LRRC57: variants seen among roughly 807,000 people sequenced by gnomAD.
LRRC57 encodes the protein leucine-rich repeat-containing protein 57.
In LRRC57, 14 loss-of-function variants were observed where a neutral mutation model predicts 23.1. The observed-to-expected ratio is 0.61, with a 90% confidence interval of 0.40 to 0.95. The LOEUF is 0.95. Among genes scored for constraint, LRRC57 ranks in the 40% least tolerant of loss-of-function variants. The pLI is 0.00. For missense variants in LRRC57, 236 were observed against 284.4 expected (o/e 0.83, Z 1.22); for synonymous variants, 106 against 115.2 (o/e 0.92, Z 0.51).
chr15:42,547,317 T>G lies in LRRC57; in HGVS notation c.436A>C (p.Ile146Leu). Residue 146 changes from isoleucine to leucine, a missense_variant, in exon 4 of 6, where the codon ATA (isoleucine) becomes CTA (leucine). Coordinates refer to ENST00000397130, the MANE Select transcript of LRRC57 (RefSeq NM_153260.3). ...MDLSKNQIRSIPDSVGELQVI... is the reference protein window; with the variant it reads ...MDLSKNQIRSLPDSVGELQVI... Reference sequence around the variant, plus strand: ...TGCAGCTCTCCCACTGAGTCAGGTATACTTCGAATCTGGTTCTTAGAGAGA... The same window carrying G: ...TGCAGCTCTCCCACTGAGTCAGGTAGACTTCGAATCTGGTTCTTAGAGAGA... 1 of 1,614,214 alleles carries G rather than the reference T, an allele frequency of 6.2e-7. No individual in the cohort carries two copies. Among genetic ancestry groups the G allele is most frequent in the Non-Finnish European group, 8.5e-7 (1 of 1,180,028 alleles).
At chr15:42,547,130 G>T in intron 4 of LRRC57, 131 bp downstream of exon 4, 1 of 1,006,446 alleles carries the variant, frequency 9.9e-7, no homozygotes, top group Non-Finnish European at 1.4e-6. Context: ...TCAGCCTATA[G>T]AAGAAACCTC....
intron 5 of LRRC57, among the ~76,000 whole-genome samples, chr15:42,544,840 C>CTATATATATATATATATATAT (rs1167773259): frequency 3.8e-4 from 41 of 108,968 alleles, no homozygotes; most frequent in African/African-American, 1.9e-3. Context: ...CACACACACA[C>CTATATATATATATATATATAT]ACTATATATA....
rs886916628 is a variant in LRRC57 at position 42,548,712 on chromosome 15, G to A, written c.-42C>T. 4 of 636,042 alleles carry A rather than the reference G, an allele frequency of 6.3e-6. No homozygotes were observed. The highest frequency in any genetic ancestry group is 1.8e-5 in the African/African-American group (1 of 54,462). The allele number at this position is 636,042 out of a possible 1,614,324, so 39.4% of individuals were successfully genotyped here. A position where few individuals can be genotyped will look rare whatever the true frequency, so the allele number is the denominator to read the frequency against. On this transcript the variant is annotated 5_prime_UTR_variant, in exon 1 of 6. In the 5' UTR this introduces an upstream ATG that the reference lacks. Transcript: ENST00000397130. ...ACTCGCCTCCCACCGCTCAGCTGCC[G>A]TAAGGCTCCGCAGGTGAAGACCCAG...
Position 42,541,581 on chromosome 15 carries a change from GGTT to G in LRRC57, c.*2499_*2501del, listed in dbSNP as rs2057629418. ...ATTTTGTCGTGGAGGTTAAATAGTAGGTTTGTGTGATCTCTTGACTTAATGGAT... is the reference window on the plus strand; with the variant it reads ...ATTTTGTCGTGGAGGTTAAATAGTAGTGTGTGATCTCTTGACTTAATGGAT... On this transcript the variant is annotated 3_prime_UTR_variant, in exon 6 of 6. Coordinates refer to ENST00000397130, the MANE Select transcript of LRRC57 (RefSeq NM_153260.3). 1 of 152,102 alleles carries G rather than the reference GGTT, an allele frequency of 6.6e-6. No homozygotes were observed. The highest frequency in any genetic ancestry group is 2.4e-5 in the African/African-American group (1 of 41,396). 9.4% of individuals were successfully genotyped at this position (152,102 alleles called of 1,614,324 possible).
the LRRC57 span, chr15:42,532,402 G>A: frequency 6.6e-6 from 1 of 152,138 alleles, no homozygotes; most frequent in Non-Finnish European, 1.5e-5. Flanking sequence ...CTTAAAGTGA[G>A]CTTAATTTCT....
chr15:42,531,659 C>T, the LRRC57 span: 10 of 453,660 alleles, frequency 2.2e-5, no homozygotes, highest in Non-Finnish European at 3.9e-5. Flanking sequence ...CCGACTGCTG[C>T]TCTGCCTTCC....
At chr15:42,529,596 CT>C in the LRRC57 span, 21 of 1,462,432 alleles carry the variant, frequency 1.4e-5, no homozygotes, top group Non-Finnish European at 1.8e-5. Flanking sequence ...ATTTTGGTTA[CT>C]TACTTTTGTG....
At position 42,541,187 on chromosome 15, in the gene LRRC57, C is replaced by G. The variant is rs1312872326; in HGVS notation, c.*2896G>C. 1.3e-5 allele frequency: 2 copies of G among 152,006 alleles called. No homozygotes were observed. The highest frequency in any genetic ancestry group is 2.9e-5 in the Non-Finnish European group (2 of 67,980). 9.4% of individuals were successfully genotyped at this position (152,006 alleles called of 1,614,324 possible). The stretch of plus-strand genomic sequence containing the variant: ...AACTGGTATGGATAAACTAGTACCC[C>G]TTTCAAAGTGAGAAATAGAAAATGA... On this transcript the variant is annotated 3_prime_UTR_variant, in exon 6 of 6. Transcript: ENST00000397130.
chr15:42,545,671 C>A (rs938743800), intron 4 of LRRC57, among the ~76,000 whole-genome samples: 1 of 152,156 alleles, frequency 6.6e-6, no homozygotes, highest in Non-Finnish European at 1.5e-5. Flanking sequence ...GACCACTTTA[C>A]TACCAAATTC....
chr15:42,528,952 T>A, the LRRC57 span, among the ~76,000 whole-genome samples: 1 of 152,210 alleles, frequency 6.6e-6, no homozygotes, highest in Admixed American at 6.5e-5. Flanking sequence ...TACTTTTCAG[T>A]ACTTTCCAAA....
In LRRC57 at chr15:42,547,389, C is replaced by T; in HGVS notation, c.364G>A (p.Ala122Thr). Reference protein sequence around the residue: ...TLSLSGNQLGALPPQLCSLRH... With the variant: ...TLSLSGNQLGTLPPQLCSLRH... ...AGGCTACAAAGTTGGGGAGGTAATG[C>T]TCCCAGTTGGTTCCCAGAGAGGCTC... The change falls in exon 4 of 6, where the codon GCA becomes ACA. Residue 122 changes from alanine (A) to threonine (T), a missense_variant. By Grantham distance (58) the Ala-to-Thr change is moderately conservative (BLOSUM62 0). Transcript: ENST00000397130. 6.2e-7 allele frequency: 1 copy of T among 1,614,160 alleles called. No individual in the cohort carries two copies. The highest frequency in any genetic ancestry group is 8.5e-7 in the Non-Finnish European group (1 of 1,180,020).
At chr15:42,535,939 G>C (rs990940890), downstream of LRRC57, among the ~76,000 whole-genome samples, 2 of 152,106 alleles carry the variant, frequency 1.3e-5, no homozygotes, top group Non-Finnish European at 2.9e-5. Flanking sequence ...TTAGCCAGGT[G>C]TGGTGGTGCA....
intron 4 of LRRC57, among the ~76,000 whole-genome samples, chr15:42,546,663 T>A (rs1050390117): frequency 1.3e-5 from 2 of 152,198 alleles, no homozygotes; most frequent in Non-Finnish European, 2.9e-5. Context: ...ACAAGAATCT[T>A]TGGATTGGTT....
the LRRC57 span, chr15:42,531,546 C>A: frequency 7.7e-7 from 1 of 1,294,294 alleles, no homozygotes; most frequent in South Asian, 1.3e-5. Context: ...ATTACCTTTT[C>A]AGAGTTTAAG....
rs946721051 is a variant in LRRC57, at chr15:42,541,546, C to T, written c.*2537G>A. On this transcript the variant is annotated 3_prime_UTR_variant, in exon 6 of 6. Transcript: ENST00000397130. ...AAAGAGAACACCTAGACCAGATTTA[C>T]GTCAGAAAGATTTTGTCGTGGAGGT... 4 of 152,092 alleles carry T rather than the reference C, an allele frequency of 2.6e-5. No homozygotes were observed. Among genetic ancestry groups the T allele is most frequent in the South Asian group, 2.1e-4 (1 of 4,818 alleles). 9.4% of individuals were successfully genotyped at this position (152,092 alleles called of 1,614,324 possible).
At chr15:42,529,840 C>T in the LRRC57 span, 3 of 1,608,922 alleles carry the variant, frequency 1.9e-6, no homozygotes, top group Non-Finnish European at 2.5e-6. Context: ...TTTATTGCCA[C>T]AAGAAAATGA....
At position 42,544,106 on chromosome 15, in the gene LRRC57, C is replaced by G. The variant is rs1366661820; in HGVS notation, c.697G>C (p.Ala233Pro). The change falls in exon 6 of 6, where the codon GCC (alanine) becomes CCC (proline). Residue 233 changes from alanine (A) to proline (P), a missense_variant. Transcript: ENST00000397130. Reference protein sequence around the residue: ...GYDKYMERFTATKKKFA With the variant: ...GYDKYMERFTPTKKKFA ...CTTCACGCAAACTTCTTCTTGGTGG[C>G]TGTGAACCTCTCCATGTACTAAAAA... The G allele has an allele frequency of 6.2e-7, 1 of 1,613,042 alleles. No homozygotes were observed. The highest frequency in any genetic ancestry group is 1.7e-5 in the Admixed American group (1 of 59,958).
At chr15:42,529,914 A>G in the LRRC57 span, 4 of 1,343,342 alleles carry the variant, frequency 3.0e-6, no homozygotes, top group Middle Eastern at 1.9e-4. Context: ...ACACGGTAGA[A>G]TAAGCTCCTG....
chr15:42,547,513 C>T lies in LRRC57; in HGVS notation c.240G>A (p.Glu80=). ...TCTCTAGTTTTTTCAGATTGCATAT[C>T]TCATCAGGCAGAACAGCTGGCAAAG... The part of the protein sequence containing the change: ...NNNKLTVLPD[E]ICNLKKLETL... Residue 80 remains glutamate, a synonymous_variant, in exon 4 of 6, where the codon GAG becomes GAA. Transcript: ENST00000397130. The T allele has an allele frequency of 6.2e-7, 1 of 1,610,102 alleles. No individual in the cohort carries two copies. The highest frequency in any genetic ancestry group is 8.5e-7 in the Non-Finnish European group (1 of 1,177,186).
Sources: gnomAD v4.1 joint callset for allele counts (sites outside exome capture counted in the v4.1 genomes callset) on GRCh38, gnomAD v4.1.1 for gene constraint, MANE v1.5 for transcripts, NCBI Gene and HGNC (gene_info 2026-07-23, HGNC 2026-07-21) for gene names.